The following RDH13 variants were observed in gnomAD, a reference collection of about 807,000 sequenced individuals.
RDH13 encodes the protein retinol dehydrogenase 13 (all-trans and 9-cis).
In RDH13, 35 loss-of-function variants were observed where a neutral mutation model predicts 28.3. The observed-to-expected ratio is 1.24, with a 90% CI of 0.95 to 1.64. The LOEUF is 1.64. Ranked by LOEUF, RDH13 falls within the 40% of genes most tolerant of loss-of-function variation. RDH13 has a pLI of 0.00. For synonymous variants in RDH13, 229 were observed against 198.5 expected, an observed-to-expected ratio of 1.15 and a Z score of -1.29; for missense variants, 514 against 446.3, an observed-to-expected ratio of 1.15 and a Z score of -1.37.
rs972015675 is a variant in RDH13 at position 55,045,004 on chromosome 19, G to C, written c.*70C>G. The stretch of plus-strand genomic sequence containing the variant: ...CTCCCGGCTCAGGTAGTGCCAGGAA[G>C]CTGCGGGCATGGCGGACAGCTGTCC... On this transcript the variant is annotated 3_prime_UTR_variant, in exon 7 of 7. Transcript: ENST00000415061. The C allele has an allele frequency of 4.2e-6, 5 of 1,179,484 alleles. No individual in the cohort carries two copies. The African/African-American group carries it at 6.1e-5, about 14-fold the overall frequency. 73.1% of individuals were successfully genotyped at this position (1,179,484 alleles called of 1,614,324 possible). A position where few individuals can be genotyped will look rare whatever the true frequency, so the allele number is the denominator to read the frequency against.
At chr19:55,068,185 C>T (rs1359140721) in intron 1 of RDH13, among the ~76,000 whole-genome samples, 1 of 151,392 alleles carries the variant, frequency 6.6e-6, no homozygotes, top group East Asian at 1.9e-4. Flanking sequence ...CTCTCTCTCC[C>T]CCCAACTCTC....
chr19:55,058,670 CTTTT>C (rs538566882), intron 2 of RDH13, among the ~76,000 whole-genome samples: 1 of 151,764 alleles, frequency 6.6e-6, no homozygotes, highest in East Asian at 1.9e-4. Flanking sequence ...TTTCAATGCC[CTTTT>C]TTTTGTTTTG....
chr19:55,063,306 G>T, upstream of RDH13: 2 of 383,098 alleles, frequency 5.2e-6, no homozygotes, highest in Non-Finnish European at 9.3e-6. Flanking sequence ...GCTAGTCCGG[G>T]GGCGGGGCCT....
In RDH13 at chr19:55,054,950, C is replaced by CAAGT. The variant is rs202145291; in HGVS notation, c.340+1699_340+1702dup. Among the ~76,000 whole-genome samples the CAAGT allele has an allele frequency of 6.9e-3, 1,050 of 152,164 alleles. 13 individuals are homozygous for CAAGT. Among genetic ancestry groups the CAAGT allele is most frequent in the African/African-American group, 0.023 (953 of 41,502 alleles). ...TACATCATGCTGTACATAATATATA[C>CAAGT]AAGTATACATGTCAACTAAACAATA... On this transcript the variant is annotated intron_variant, in intron 3 of 6. Transcript: ENST00000415061.
At chr19:55,041,196 G>A (rs190186700), downstream of RDH13, 4 of 152,338 alleles carry the variant, frequency 2.6e-5, no homozygotes, top group African/African-American at 7.2e-5. Context: ...GGCTGGTCTT[G>A]AACTCCTCCT....
Position 55,048,644 on chromosome 19 carries a change from C to T in RDH13, c.445+15G>A. The T allele has an allele frequency of 6.2e-7, 1 of 1,613,124 alleles. No individual in the cohort carries two copies. The highest frequency in any genetic ancestry group is 8.5e-7 in the Non-Finnish European group (1 of 1,179,270). ...ATCGCTTGAACCCATGGTGCAGCCCCTGCCCAGGCCTCACCCAGGTGGTTA... is the reference window on the plus strand; with the variant it reads ...ATCGCTTGAACCCATGGTGCAGCCCTTGCCCAGGCCTCACCCAGGTGGTTA... On this transcript the variant is annotated intron_variant, in intron 4 of 6. Transcript: ENST00000415061.
rs551732061 is a variant in RDH13, at chr19:55,056,840, T to A, written c.185-32A>T. ...ACCCAGGATGGAAAAAGATTTAAATTAATAATCCACTCCTGGGTACTGACC... is the reference window on the plus strand; with the variant it reads ...ACCCAGGATGGAAAAAGATTTAAATAAATAATCCACTCCTGGGTACTGACC... On this transcript the variant is annotated intron_variant, in intron 2 of 6. Coordinates refer to ENST00000415061, the MANE Select transcript of RDH13 (RefSeq NM_001145971.2). The A allele has an allele frequency of 1.1e-5, 18 of 1,575,576 alleles. No individual in the cohort carries two copies. In the East Asian group the frequency reaches 2.5e-4, roughly 22 times the overall value.
chr19:55,060,192 G>A (rs897536824), intron 1 of RDH13, among the ~76,000 whole-genome samples: 9 of 139,514 alleles, frequency 6.5e-5, no homozygotes, highest in Admixed American at 2.2e-4. Context: ...GAAGGCCACT[G>A]TCTCCTGCCT....
At chr19:55,051,290 ACGTG>A (rs2075423357) in intron 3 of RDH13, among the ~76,000 whole-genome samples, 1 of 152,206 alleles carries the variant, frequency 6.6e-6, no homozygotes, top group East Asian at 1.9e-4. Context: ...GGCAGGGCCC[ACGTG>A]CGGAGACCCA....
At chr19:55,062,403 C>T (rs915058408) in intron 1 of RDH13, among the ~76,000 whole-genome samples, 3 of 152,160 alleles carry the variant, frequency 2.0e-5, no homozygotes, top group Admixed American at 6.5e-5. Flanking sequence ...ATTAAGTAGG[C>T]TGGGCGAGGT....
intron 3 of RDH13, among the ~76,000 whole-genome samples, chr19:55,054,146 C>T (rs1433508275): frequency 1.3e-5 from 2 of 152,182 alleles, no homozygotes; most frequent in Non-Finnish European, 2.9e-5. Context: ...TCATCTCACA[C>T]CTCCAGCACC....
Position 55,045,180 on chromosome 19 carries a change from G to T in RDH13, c.890C>A (p.Ala297Asp), listed in dbSNP as rs773737830. Residue 297 changes from alanine (A) to aspartate (D), a missense_variant, in exon 7 of 7, where the codon GCC (alanine) becomes GAC (aspartate). Coordinates refer to ENST00000415061, the MANE Select transcript of RDH13 (RefSeq NM_001145971.2). ...CACCTCCTCATCCTCAGCCTCGGGG[G>T]CCGGGGCCTTCTGTTTGAGTCCATC... Reference protein sequence around the residue: ...YFDGLKQKAPAPEAEDEEVAR... With the variant: ...YFDGLKQKAPDPEAEDEEVAR... The T allele has an allele frequency of 1.9e-6, 3 of 1,613,510 alleles. No individual in the cohort carries two copies. Among genetic ancestry groups the T allele is most frequent in the East Asian group, 2.2e-5 (1 of 44,882 alleles).
upstream of RDH13, chr19:55,063,378 T>C (rs2075874863): frequency 3.3e-6 from 1 of 303,526 alleles, no homozygotes; most frequent in Non-Finnish European, 6.1e-6. Flanking sequence ...AGTTCTGGAG[T>C]GAAATAGGTT....
intron 2 of RDH13, among the ~76,000 whole-genome samples, chr19:55,058,301 T>C (rs1484841990): frequency 1.3e-5 from 2 of 151,738 alleles, no homozygotes; most frequent in East Asian, 3.9e-4. Context: ...GGCAGGAGAA[T>C]TGCTTGAACC....
chr19:55,063,061 A>C lies in RDH13; in HGVS notation c.-29T>G, dbSNP rs1654457. Reference sequence around the variant, plus strand: ...GGGCCGGGGACAGGCGTCAGGCGTCAGGGGTCGGCGCGGAGCTTGCTGCAC... The same window carrying C: ...GGGCCGGGGACAGGCGTCAGGCGTCCGGGGTCGGCGCGGAGCTTGCTGCAC... On this transcript the variant is annotated 5_prime_UTR_variant, in exon 1 of 7. Coordinates refer to ENST00000415061, the MANE Select transcript of RDH13 (RefSeq NM_001145971.2). The C allele has an allele frequency of 1.4e-3, 1,838 of 1,307,672 alleles. 13 individuals carry two copies. In the African/African-American group the frequency reaches 0.017, roughly 12 times the overall value. The allele number at this position is 1,307,672 out of a possible 1,614,324, so 81.0% of individuals were successfully genotyped here.
chr19:55,047,017 C>G, intron 6 of RDH13: 1 of 648,416 alleles, frequency 1.5e-6, no homozygotes, highest in Non-Finnish European at 2.1e-6. Context: ...CTATTAAGGC[C>G]TGCACTCTGC....
At position 55,059,181 on chromosome 19, in the gene RDH13, T is replaced by C; in HGVS notation, c.160A>G (p.Thr54Ala). Residue 54 changes from threonine to alanine, a missense_variant, in exon 2 of 7, where the codon ACC becomes GCC. Coordinates refer to ENST00000415061, the MANE Select transcript of RDH13 (RefSeq NM_001145971.2). ...TGANTGIGKQ[T>A]ALELARRGGN... ...CCTCTCCTGGCCAGTTCCAAGGCGGTCTGCTTCCCGATGCCTGTGTTGGCA... is the reference window on the plus strand; with the variant it reads ...CCTCTCCTGGCCAGTTCCAAGGCGGCCTGCTTCCCGATGCCTGTGTTGGCA... 6.3e-7 allele frequency: 1 copy of C among 1,598,984 alleles called. No homozygotes were observed. The highest frequency in any genetic ancestry group is 8.5e-7 in the Non-Finnish European group (1 of 1,172,880).
chr19:55,051,729 GTTTT>G (rs79209121), intron 3 of RDH13, among the ~76,000 whole-genome samples: 2 of 143,526 alleles, frequency 1.4e-5, no homozygotes, highest in African/African-American at 5.1e-5. Flanking sequence ...CGCCCAGCCT[GTTTT>G]TTTTTTTTTC....
intron 3 of RDH13, among the ~76,000 whole-genome samples, chr19:55,051,406 T>C (rs1471053304): frequency 1.3e-5 from 2 of 151,030 alleles, no homozygotes; most frequent in Admixed American, 1.3e-4. Context: ...CGCCAGCTTC[T>C]GGTGTTTTGT....
Sources: gnomAD v4.1 joint callset for allele counts (sites outside exome capture counted in the v4.1 genomes callset) on GRCh38, gnomAD v4.1.1 for gene constraint, MANE v1.5 for transcripts, NCBI Gene and HGNC (gene_info 2026-07-23, HGNC 2026-07-21) for gene names.